KANK1: variants seen among roughly 807,000 people sequenced by gnomAD.
KANK1 encodes the protein KN motif and ankyrin repeat domains 1, also known as KN motif and ankyrin repeat domain-containing protein 1.
In KANK1, 109 loss-of-function variants were observed where a neutral mutation model predicts 106.2. The ratio of observed to expected loss-of-function variants is 1.03; its 90% CI spans 0.88 to 1.20. The LOEUF (loss-of-function observed/expected upper bound fraction) is 1.20, where lower values mean the gene tolerates loss of function less well. KANK1 is among the 50% of genes most tolerant of loss of function. The pLI, the probability that KANK1 is intolerant of heterozygous loss-of-function variation, is 0.00. For synonymous variants in KANK1, 873 were observed against 652.2 expected, an observed-to-expected ratio of 1.34 and a Z score of -5.16; for missense variants, 2,399 against 1,710.7, an observed-to-expected ratio of 1.40 and a Z score of -7.10.
At chr9:605,585 T>C (rs562319280) in intron 1 of KANK1, among the ~76,000 whole-genome samples, 1 of 151,812 alleles carries the variant, frequency 6.6e-6, no homozygotes, top group Admixed American at 6.5e-5. Flanking sequence ...GAGGCAGCTG[T>C]GTAATATTGT....
At chr9:576,447 C>T (rs559561588) in intron 1 of KANK1, among the ~76,000 whole-genome samples, 13 of 152,226 alleles carry the variant, frequency 8.5e-5, no homozygotes, top group African/African-American at 3.1e-4. Flanking sequence ...CTGTGCCTAT[C>T]TTTCCCACAG....
chr9:498,612 T>C (rs2058494746), intron 3 of KANK1, among the ~76,000 whole-genome samples: 2 of 150,404 alleles, frequency 1.3e-5, no homozygotes, highest in South Asian at 4.1e-4. Flanking sequence ...TAATCTAATT[T>C]AACAATAGAC....
chr9:518,890 T>G (rs1587449698), intron 1 of KANK1, among the ~76,000 whole-genome samples: 1 of 62,656 alleles, frequency 1.6e-5, no homozygotes, highest in South Asian at 4.6e-4. Flanking sequence ...TGTCTTTAAA[T>G]TTTTTTTTTT....
rs199980418 is a variant in KANK1 at position 732,640 on chromosome 9, C to T, written c.3245+23C>T. 1,954 of 1,605,714 alleles carry T rather than the reference C, an allele frequency of 1.2e-3. 5 individuals carry two copies. Among genetic ancestry groups the T allele is most frequent in the Non-Finnish European group, 1.2e-3 (1,456 of 1,173,806 alleles). ...GAGGTGTGGTACATTCCCCTTCCCT[C>T]CCTTGCCCCTCCCACATTTAATGTA... is the stretch of plus-strand genomic sequence containing the variant. On this transcript the variant is annotated intron_variant, in intron 6 of 11. Transcript: ENST00000382297.
At chr9:679,016 C>A (rs1198540404) in intron 2 of KANK1, among the ~76,000 whole-genome samples, 1 of 152,112 alleles carries the variant, frequency 6.6e-6, no homozygotes, top group African/African-American at 2.4e-5. Context: ...TTGGTTTGTT[C>A]TGTACTTACC....
intron 1 of KANK1, among the ~76,000 whole-genome samples, chr9:554,098 A>C (rs1163568132): frequency 6.6e-6 from 1 of 152,230 alleles, no homozygotes; most frequent in African/African-American, 2.4e-5. Flanking sequence ...AAGGAGATTC[A>C]TTATAGGAAT....
chr9:540,037 C>A (rs1230866111), intron 1 of KANK1, among the ~76,000 whole-genome samples: 1 of 152,092 alleles, frequency 6.6e-6, no homozygotes, highest in African/African-American at 2.4e-5. Context: ...ATTTTTCTTG[C>A]CTAATAGCTC....
intron 2 of KANK1, among the ~76,000 whole-genome samples, chr9:689,264 T>A (rs1819299179): frequency 6.6e-6 from 1 of 152,122 alleles, no homozygotes; most frequent in Middle Eastern, 3.2e-3. Flanking sequence ...TTCACATGTG[T>A]TTGGGGAAAT....
At chr9:727,405 T>A (rs968897777) in intron 3 of KANK1, among the ~76,000 whole-genome samples, 8 of 151,592 alleles carry the variant, frequency 5.3e-5, no homozygotes, top group African/African-American at 1.7e-4. Context: ...AACCTCTGCC[T>A]CCCGGGTTCA....
intron 11 of KANK1, chr9:744,804 A>G (rs943684825): frequency 6.9e-7 from 1 of 1,447,288 alleles, no homozygotes; most frequent in East Asian, 2.5e-5. Flanking sequence ...TGTCCTTGCA[A>G]GACATATGCT....
At chr9:513,963 G>A (rs1286622350) in intron 1 of KANK1, among the ~76,000 whole-genome samples, 2 of 152,132 alleles carry the variant, frequency 1.3e-5, no homozygotes, top group Non-Finnish European at 1.5e-5. Context: ...GTTGCAGTGA[G>A]TCAAAATCAC....
At chr9:524,671 C>T (rs183257327) in intron 1 of KANK1, among the ~76,000 whole-genome samples, 1 of 151,598 alleles carries the variant, frequency 6.6e-6, no homozygotes, top group Non-Finnish European at 1.5e-5. Context: ...GTGTCCACTA[C>T]GACACCCGGC....
chr9:636,300 C>G (rs1005769927), intron 1 of KANK1, among the ~76,000 whole-genome samples: 5 of 152,192 alleles, frequency 3.3e-5, no homozygotes, highest in African/African-American at 4.8e-5. Flanking sequence ...TTTCAGAGCT[C>G]TTATCCAGAC....
intron 1 of KANK1, among the ~76,000 whole-genome samples, chr9:667,019 C>G (rs1409093386): frequency 1.6e-5 from 2 of 126,092 alleles, no homozygotes; most frequent in Non-Finnish European, 3.2e-5. Flanking sequence ...TTTTTGAAGA[C>G]TTTGAGTAGA....
chr9:638,972 T>C (rs1837765387), intron 1 of KANK1, among the ~76,000 whole-genome samples: 1 of 152,220 alleles, frequency 6.6e-6, no homozygotes, highest in African/African-American at 2.4e-5. Context: ...TATTTTAATA[T>C]GTTCACCTGA....
chr9:509,926 G>A (rs951391852), intron 1 of KANK1, among the ~76,000 whole-genome samples: 1 of 151,892 alleles, frequency 6.6e-6, no homozygotes, highest in Non-Finnish European at 1.5e-5. Flanking sequence ...CCTGCCTCCC[G>A]AGTAGCTGGG....
intron 3 of KANK1, among the ~76,000 whole-genome samples, chr9:488,182 G>A (rs2058324968): frequency 6.6e-6 from 1 of 152,112 alleles, no homozygotes; most frequent in East Asian, 1.9e-4. Flanking sequence ...AGCATGTTGG[G>A]GTATGGTTCT....
rs144303532 is a variant in KANK1, at chr9:742,334, G to A, written c.3826G>A (p.Glu1276Lys). The change falls in exon 10 of 12, where the codon GAG becomes AAG. Residue 1276 changes from glutamate to lysine, a missense_variant. Glu to Lys is a moderately conservative substitution (Grantham distance 56, BLOSUM62 1). Transcript: ENST00000382297. Reference protein sequence around the residue: ...EGSTALMCASEHGHVEIVKLL... With the variant: ...EGSTALMCASKHGHVEIVKLL... ...CTCCACGGCCCTCATGTGTGCCAGC[G>A]AGCACGGACACGTGGAGATTGTCAA... The A allele has an allele frequency of 3.8e-5, 61 of 1,613,960 alleles. No homozygotes were observed. The highest frequency in any genetic ancestry group is 4.7e-5 in the Non-Finnish European group (55 of 1,180,012).
At chr9:739,492 G>A (rs1047464565) in intron 8 of KANK1, among the ~76,000 whole-genome samples, 12 of 152,094 alleles carry the variant, frequency 7.9e-5, no homozygotes, top group African/African-American at 2.9e-4. Context: ...CCCTCTTTTT[G>A]GAGCCATGTT....
Sources: gnomAD v4.1 joint callset for allele counts (sites outside exome capture counted in the v4.1 genomes callset) on GRCh38, gnomAD v4.1.1 for gene constraint, MANE v1.5 for transcripts, NCBI Gene and HGNC (gene_info 2026-07-23, HGNC 2026-07-21) for gene names.